The following LINGO2 variants were observed in gnomAD, a reference collection of about 807,000 sequenced individuals.
LINGO2 encodes leucine rich repeat and Ig domain containing 2, also known as leucine-rich repeat and immunoglobulin-like domain-containing nogo receptor-interacting protein 2.
A neutral mutation model predicts 30.6 loss-of-function variants in LINGO2; 14 were observed. That is an observed-to-expected ratio of 0.46 (90% CI 0.30 to 0.72). The LOEUF is 0.72. Ranked by LOEUF, LINGO2 falls within the 30% of genes least tolerant of loss-of-function variation. The pLI is 0.07. For synonymous variants in LINGO2, 317 were observed against 288.5 expected, an observed-to-expected ratio of 1.10 and a Z score of -1.00; for missense variants, 729 against 751.7, an observed-to-expected ratio of 0.97 and a Z score of 0.35.
the LINGO2 span, among the ~76,000 whole-genome samples, chr9:28,946,312 A>T: frequency 5.3e-5 from 8 of 152,288 alleles, no homozygotes; most frequent in South Asian, 4.1e-4. Context: ...ATTCTATTTT[A>T]AAAAAACTTT....
At position 28,390,764 on chromosome 9, in the gene LINGO2, T is replaced by C. The variant is rs150326150; in HGVS notation, c.-278-17896A>G. ...AATGTAGACATAAATTCAAAGCAATTTGGTTTCTTCAGAGCTAAGAATTTT... is the reference window on the plus strand; with the variant it reads ...AATGTAGACATAAATTCAAAGCAATCTGGTTTCTTCAGAGCTAAGAATTTT... On this transcript the variant is annotated intron_variant, in intron 2 of 5. Transcript: ENST00000379992. Among the ~76,000 whole-genome samples, 514 of 152,278 alleles carry C rather than the reference T, an allele frequency of 3.4e-3. 2 individuals are homozygous for C. Among genetic ancestry groups the C allele is most frequent in the Middle Eastern group, 6.8e-3 (2 of 294 alleles).
In LINGO2 at chr9:28,634,350, C is replaced by A. The variant is rs954017178; in HGVS notation, c.-365+35850G>T. Among the ~76,000 whole-genome samples the A allele has an allele frequency of 3.3e-5, 5 of 152,144 alleles. No homozygotes were observed. The East Asian group carries it at 9.6e-4, about 29-fold the overall frequency. The stretch of plus-strand genomic sequence containing the variant: ...TGCATAAGTTCTCTAGAGGTCCATG[C>A]AGACAATCTCTTTTATGTTTATTAC... On this transcript the variant is annotated intron_variant, in intron 1 of 5. Coordinates refer to ENST00000379992, the Ensembl canonical transcript of LINGO2.
chr9:28,783,828 G>A, the LINGO2 span, among the ~76,000 whole-genome samples: 5 of 152,268 alleles, frequency 3.3e-5, no homozygotes, highest in Middle Eastern at 0.014. Flanking sequence ...TCTGGAAGCT[G>A]CACAGTTCAA....
At chr9:29,134,593 C>T in the LINGO2 span, among the ~76,000 whole-genome samples, 2 of 152,016 alleles carry the variant, frequency 1.3e-5, no homozygotes, top group African/African-American at 2.4e-5. Flanking sequence ...CTGACAGACA[C>T]ATTTTTTCAC....
intron 4 of LINGO2, among the ~76,000 whole-genome samples, chr9:28,043,392 G>A (rs1287065650): frequency 6.6e-6 from 1 of 152,130 alleles, no homozygotes; most frequent in African/African-American, 2.4e-5. Context: ...TACACATTGA[G>A]GAAGATTTTT....
At chr9:28,686,462 A>G in the LINGO2 span, among the ~76,000 whole-genome samples, 5 of 152,050 alleles carry the variant, frequency 3.3e-5, no homozygotes, top group African/African-American at 4.8e-5. Flanking sequence ...CTAACAGAGT[A>G]AATGTTTGAC....
At chr9:28,286,781 G>A (rs1823524121) in intron 4 of LINGO2, among the ~76,000 whole-genome samples, 1 of 151,832 alleles carries the variant, frequency 6.6e-6, no homozygotes, top group African/African-American at 2.4e-5. Flanking sequence ...GTCACATAGA[G>A]GGAAACAACA....
chr9:28,239,812 G>T (rs1821716600), intron 4 of LINGO2, among the ~76,000 whole-genome samples: 1 of 151,926 alleles, frequency 6.6e-6, no homozygotes, highest in Non-Finnish European at 1.5e-5. Flanking sequence ...AGAAATAAAG[G>T]GCATCCAAAT....
At chr9:28,009,065 A>G (rs1420126413) in intron 5 of LINGO2, among the ~76,000 whole-genome samples, 2 of 152,198 alleles carry the variant, frequency 1.3e-5, no homozygotes, top group African/African-American at 4.8e-5. Flanking sequence ...TAGGACAGAC[A>G]TATAGACTAA....
At chr9:28,390,995 A>G (rs1422557167) in intron 2 of LINGO2, among the ~76,000 whole-genome samples, 1 of 152,196 alleles carries the variant, frequency 6.6e-6, no homozygotes, top group Non-Finnish European at 1.5e-5. Context: ...GTTTGCATGT[A>G]CTGATCCAAT....
Position 28,357,326 on chromosome 9 carries a change from C to G in LINGO2, c.-246+15510G>C, listed in dbSNP as rs566920454. Among the ~76,000 whole-genome samples the G allele has an allele frequency of 4.1e-5, 6 of 145,414 alleles. No individual in the cohort carries two copies. The South Asian group carries it at 6.8e-4, about 16-fold the overall frequency. On this transcript the variant is annotated intron_variant, in intron 3 of 5. Transcript: ENST00000379992. ...GATACAGAAATAAAGCCCACCCCCC[C>G]CAAAAAAGAAAGCACCAATACTTCT...
chr9:28,337,856 G>T (rs1031412667), intron 3 of LINGO2, among the ~76,000 whole-genome samples: 2 of 151,932 alleles, frequency 1.3e-5, no homozygotes, highest in African/African-American at 2.4e-5. Context: ...CTAGGCAGAA[G>T]TTTGCTGCAG....
chr9:28,096,742 T>G (rs986118602), intron 4 of LINGO2, among the ~76,000 whole-genome samples: 1 of 152,278 alleles, frequency 6.6e-6, no homozygotes, highest in Non-Finnish European at 1.5e-5. Context: ...TTGTTGACCA[T>G]TCCAATTGCA....
chr9:27,949,617 A>G, exon 6 of LINGO2: 1 of 1,614,114 alleles, frequency 6.2e-7, no homozygotes, highest in Non-Finnish European at 8.5e-7. Flanking sequence ...GTTGTTGTTA[A>G]TGCTCAAGAC....
the LINGO2 span, among the ~76,000 whole-genome samples, chr9:28,892,308 C>T: frequency 9.2e-5 from 14 of 152,036 alleles, no homozygotes; most frequent in South Asian, 2.9e-3. Flanking sequence ...TATGCCCATA[C>T]ACTTTACAGA....
intron 4 of LINGO2, among the ~76,000 whole-genome samples, chr9:28,242,554 G>T (rs991980802): frequency 3.9e-5 from 6 of 152,070 alleles, no homozygotes; most frequent in African/African-American, 1.4e-4. Flanking sequence ...CACACTTCAG[G>T]ATATTATCCA....
At chr9:28,895,636 G>A in the LINGO2 span, among the ~76,000 whole-genome samples, 7 of 151,694 alleles carry the variant, frequency 4.6e-5, no homozygotes, top group Admixed American at 2.0e-4. Context: ...TGCCCTACTC[G>A]CAAATAATAC....
the LINGO2 span, among the ~76,000 whole-genome samples, chr9:28,807,574 A>G: frequency 7.9e-5 from 12 of 152,352 alleles, no homozygotes; most frequent in African/African-American, 2.6e-4. Context: ...TAACATAAGT[A>G]CAATTAAGCA....
At chr9:29,032,868 C>T in the LINGO2 span, among the ~76,000 whole-genome samples, 322 of 152,138 alleles carry the variant, frequency 2.1e-3, 1 homozygote, top group African/African-American at 7.0e-3. Context: ...AGAACATTTC[C>T]ATCATTTGAA....
Sources: allele counts gnomAD v4.1 joint callset (sites outside exome capture counted in the v4.1 genomes callset), GRCh38; gene constraint gnomAD v4.1.1; transcripts MANE v1.5; gene names NCBI Gene and HGNC (gene_info 2026-07-23, HGNC 2026-07-21).